Variants in ZCCHC7 observed in about 807,000 individuals in gnomAD.
ZCCHC7 encodes zinc finger CCHC-type containing 7, also known as zinc finger CCHC domain-containing protein 7.
In ZCCHC7, 35 loss-of-function variants were observed where a neutral mutation model predicts 52.0. The ratio of observed to expected loss-of-function variants is 0.67; its 90% confidence interval spans 0.51 to 0.89. The LOEUF is 0.89. Ranked by LOEUF, ZCCHC7 falls within the 40% of genes least tolerant of loss-of-function variation. ZCCHC7 has a pLI of 0.00. For missense variants in ZCCHC7, 574 were observed against 649.1 expected (o/e 0.88, Z 1.26); for synonymous variants, 217 against 221.5 (o/e 0.98, Z 0.18).
At chr9:37,148,257 C>G (rs62535707) in intron 2 of ZCCHC7, among the ~76,000 whole-genome samples, 7,301 of 152,064 alleles carry the variant, frequency 0.048, 262 homozygotes, top group Non-Finnish European at 0.071. Flanking sequence ...TGTGCTGGTA[C>G]TTACAAAGAT....
At chr9:37,164,916 T>TG (rs951745268) in intron 2 of ZCCHC7, among the ~76,000 whole-genome samples, 2 of 152,230 alleles carry the variant, frequency 1.3e-5, no homozygotes, top group East Asian at 1.9e-4. Context: ...GAAAGTGTGG[T>TG]GGGGGGTGAA....
intron 2 of ZCCHC7, among the ~76,000 whole-genome samples, chr9:37,183,526 C>T (rs1822481030): frequency 6.6e-6 from 1 of 152,188 alleles, no homozygotes; most frequent in Non-Finnish European, 1.5e-5. Context: ...CTTGTTTTCA[C>T]AGCCCTTTCT....
intron 2 of ZCCHC7, among the ~76,000 whole-genome samples, chr9:37,219,296 CAG>C (rs1348390617): frequency 6.6e-6 from 1 of 152,178 alleles, no homozygotes; most frequent in Non-Finnish European, 1.5e-5. Context: ...CATTATGCAG[CAG>C]AGTTAGTAGT....
chr9:37,236,380 A>G (rs927243912), intron 2 of ZCCHC7, among the ~76,000 whole-genome samples: 1 of 146,610 alleles, frequency 6.8e-6, no homozygotes, highest in African/African-American at 2.6e-5. Flanking sequence ...GTATTTCTCT[A>G]CCTTTTTTTT....
chr9:37,306,487 A>G (rs1432353229), intron 5 of ZCCHC7, among the ~76,000 whole-genome samples: 4 of 151,242 alleles, frequency 2.6e-5, no homozygotes. Flanking sequence ...ATTTTTTGAG[A>G]TGGAGTCTCG....
chr9:37,321,642 T>C (rs1307318380), intron 5 of ZCCHC7, among the ~76,000 whole-genome samples: 2 of 152,144 alleles, frequency 1.3e-5, no homozygotes, highest in Non-Finnish European at 2.9e-5. Flanking sequence ...TCCATGCCTG[T>C]AGTCCTAACT....
At chr9:37,319,235 T>C (rs1829957035) in intron 5 of ZCCHC7, among the ~76,000 whole-genome samples, 1 of 152,214 alleles carries the variant, frequency 6.6e-6, no homozygotes, top group African/African-American at 2.4e-5. Flanking sequence ...TTTCTTCTTA[T>C]TGGCTGTTGA....
chr9:37,313,718 C>G (rs1829693770), intron 5 of ZCCHC7, among the ~76,000 whole-genome samples: 1 of 152,156 alleles, frequency 6.6e-6, no homozygotes, highest in Admixed American at 6.5e-5. Context: ...GTATGGCACC[C>G]TGCCCCTCAT....
intron 1 of ZCCHC7, among the ~76,000 whole-genome samples, chr9:37,122,411 C>A (rs750447516): frequency 5.3e-5 from 8 of 152,136 alleles, no homozygotes; most frequent in Non-Finnish European, 8.8e-5. Context: ...TAGGAAACAT[C>A]TTTTCTGGTC....
At chr9:37,191,895 T>C (rs1029206789) in intron 2 of ZCCHC7, among the ~76,000 whole-genome samples, 9 of 152,218 alleles carry the variant, frequency 5.9e-5, no homozygotes, top group Admixed American at 2.6e-4. Context: ...CTTGTGAAAA[T>C]GCATTTGCAT....
intron 2 of ZCCHC7, among the ~76,000 whole-genome samples, chr9:37,191,164 C>T (rs1197813425): frequency 6.6e-6 from 1 of 152,132 alleles, no homozygotes; most frequent in African/African-American, 2.4e-5. Flanking sequence ...ACTTTTGCTG[C>T]CTCAGAGAAG....
intron 2 of ZCCHC7, among the ~76,000 whole-genome samples, chr9:37,233,852 GGTT>G (rs1174771296): frequency 6.6e-6 from 1 of 152,022 alleles, no homozygotes; most frequent in Non-Finnish European, 1.5e-5. Context: ...GTTTTTTGGT[GGTT>G]GTTTTTGTTT....
chr9:37,176,898 A>G (rs945023043), intron 2 of ZCCHC7, among the ~76,000 whole-genome samples: 1 of 152,220 alleles, frequency 6.6e-6, no homozygotes, highest in Non-Finnish European at 1.5e-5. Context: ...TGTAGCAGTC[A>G]ATATATAGAG....
chr9:37,195,869 G>A (rs951915727), intron 2 of ZCCHC7, among the ~76,000 whole-genome samples: 3 of 152,120 alleles, frequency 2.0e-5, no homozygotes, highest in Non-Finnish European at 2.9e-5. Context: ...TGAAATTAGA[G>A]TCACCACGAT....
chr9:37,197,059 A>G (rs886757941), intron 2 of ZCCHC7, among the ~76,000 whole-genome samples: 4 of 152,194 alleles, frequency 2.6e-5, no homozygotes, highest in Admixed American at 6.5e-5. Context: ...GTTTTAAGTT[A>G]TTTGTGTGTT....
rs112237244 is a variant in ZCCHC7 at position 37,233,876 on chromosome 9, C to T, written c.611-68312C>T. On this transcript the variant is annotated intron_variant, in intron 2 of 8. Coordinates refer to ENST00000336755, the MANE Select transcript of ZCCHC7 (RefSeq NM_032226.3). ...TGGTTGTTTTTGTTTTGTTTTGAGA[C>T]GGAGTCTTACTGTGTCTCCCAGGCT... Among the ~76,000 whole-genome samples the T allele has an allele frequency of 6.6e-5, 10 of 152,230 alleles. 1 individual carries two copies. The highest frequency in any genetic ancestry group is 1.9e-4 in the African/African-American group (8 of 41,536).
intron 2 of ZCCHC7, among the ~76,000 whole-genome samples, chr9:37,222,436 A>G (rs1824876581): frequency 6.6e-6 from 1 of 150,454 alleles, no homozygotes; most frequent in Non-Finnish European, 1.5e-5. Flanking sequence ...AATTTGGGGA[A>G]AGGATGGATT....
chr9:37,321,785 A>T (rs1371144611), intron 5 of ZCCHC7, among the ~76,000 whole-genome samples: 2 of 152,280 alleles, frequency 1.3e-5, no homozygotes, highest in Admixed American at 6.5e-5. Context: ...AAATAAAAAT[A>T]AAATAAAATA....
chr9:37,283,254 T>C (rs1415114130), intron 2 of ZCCHC7, among the ~76,000 whole-genome samples: 1 of 152,202 alleles, frequency 6.6e-6, no homozygotes, highest in Non-Finnish European at 1.5e-5. Context: ...AGTCAATGTC[T>C]ATCCAGCACA....
Sources: gnomAD v4.1 joint callset for allele counts (sites outside exome capture counted in the v4.1 genomes callset) on GRCh38, gnomAD v4.1.1 for gene constraint, MANE v1.5 for transcripts, NCBI Gene and HGNC (gene_info 2026-07-23, HGNC 2026-07-21) for gene names.